The following GPHN variants were observed in gnomAD, a reference collection of about 807,000 sequenced individuals.
GPHN encodes the protein gephyrin.
GPHN carries 17 observed loss-of-function variants against 95.5 expected under a neutral mutation model. The ratio of observed to expected loss-of-function variants is 0.18; its 90% CI spans 0.12 to 0.27. GPHN has a LOEUF of 0.27. Among genes scored for constraint, GPHN ranks in the 10% least tolerant of loss-of-function variants. GPHN has a pLI of 1.00. For synonymous variants in GPHN, 320 were observed against 322.5 expected (o/e 0.99, Z 0.08); for missense variants, 660 against 978.1 (o/e 0.67, Z 4.34).
At chr14:67,611,631 A>G in the GPHN span, among the ~76,000 whole-genome samples, 1 of 152,178 alleles carries the variant, frequency 6.6e-6, no homozygotes, top group Non-Finnish European at 1.5e-5. Flanking sequence ...TCGGTTGCAA[A>G]GAAAAAACAA....
At chr14:66,927,326 G>A (rs1277803212) in intron 8 of GPHN, among the ~76,000 whole-genome samples, 2 of 147,412 alleles carry the variant, frequency 1.4e-5, no homozygotes, top group Non-Finnish European at 1.5e-5. Context: ...TTCAGCCTGC[G>A]TGATGGAGCA....
At chr14:66,995,788 C>A (rs754026841) in intron 9 of GPHN, among the ~76,000 whole-genome samples, 1 of 152,110 alleles carries the variant, frequency 6.6e-6, no homozygotes, top group Non-Finnish European at 1.5e-5. Flanking sequence ...ATACTGTGAA[C>A]GTGTATGGTA....
At chr14:66,556,570 A>AT (rs2060014048) in intron 1 of GPHN, among the ~76,000 whole-genome samples, 1 of 152,212 alleles carries the variant, frequency 6.6e-6, no homozygotes, top group Non-Finnish European at 1.5e-5. Context: ...TTAGGTACAC[A>AT]TTCTGATCTA....
At chr14:67,246,649 GT>G in the GPHN span, among the ~76,000 whole-genome samples, 239 of 112,212 alleles carry the variant, frequency 2.1e-3, no homozygotes, top group African/African-American at 6.3e-3. Context: ...CCTACTATAG[GT>G]TTTTTTTTTT....
chr14:67,110,319 AT>A (rs2078294281), intron 14 of GPHN, 60 bp downstream of exon 14: 1 of 1,587,064 alleles, frequency 6.3e-7, no homozygotes, highest in South Asian at 1.1e-5. Context: ...TGTCACAACC[AT>A]TTTCTGCAGT....
chr14:67,238,686 C>T, the GPHN span, among the ~76,000 whole-genome samples: 2 of 152,012 alleles, frequency 1.3e-5, no homozygotes, highest in Non-Finnish European at 2.9e-5. Flanking sequence ...CTCTATTGCC[C>T]AGGCTGGAGT....
the GPHN span, among the ~76,000 whole-genome samples, chr14:67,489,336 A>G: frequency 4.6e-5 from 7 of 152,202 alleles, no homozygotes; most frequent in African/African-American, 1.4e-4. Context: ...TTCCCACCCA[A>G]ATCTCATCCT....
chr14:67,232,438 C>T, the GPHN span, among the ~76,000 whole-genome samples: 1 of 152,194 alleles, frequency 6.6e-6, no homozygotes, highest in African/African-American at 2.4e-5. Context: ...CAGGTGACTG[C>T]AGTCCAGAGC....
Position 67,101,314 on chromosome 14 carries a change from T to G in GPHN, c.1293+403T>G. On this transcript the variant is annotated intron_variant, in intron 13 of 22. Transcript: ENST00000478722. ...TAAACTTTTTAGCTAATTATTTAAT[T>G]TAATTTTTCTCACTTGGGATCTAGC... is the stretch of plus-strand genomic sequence containing the variant. 2.0e-5 allele frequency among the ~76,000 whole-genome samples: 3 copies of G among 152,232 alleles called. No individual in the cohort carries two copies. The Middle Eastern group carries it at 0.01, about 518-fold the overall frequency.
At chr14:66,944,806 G>T (rs971546256) in intron 8 of GPHN, among the ~76,000 whole-genome samples, 21 of 152,232 alleles carry the variant, frequency 1.4e-4, no homozygotes, top group African/African-American at 4.8e-4. Context: ...TTTCCCTGGG[G>T]AGGGGAAGGC....
the GPHN span, chr14:67,393,159 T>C: frequency 1.9e-6 from 3 of 1,611,560 alleles, no homozygotes; most frequent in African/African-American, 1.3e-5. Context: ...CCGAGGAAGG[T>C]CTTTTTATAG....
intron 1 of GPHN, among the ~76,000 whole-genome samples, chr14:66,529,184 T>G (rs1370002639): frequency 6.6e-6 from 1 of 152,046 alleles, no homozygotes; most frequent in East Asian, 1.9e-4. Flanking sequence ...TTTTTTCTAA[T>G]CTTGTCTTCA....
chr14:66,634,106 ATTTTC>A (rs994817816), intron 1 of GPHN, among the ~76,000 whole-genome samples: 2 of 151,454 alleles, frequency 1.3e-5, no homozygotes, highest in Non-Finnish European at 2.9e-5. Flanking sequence ...CATTTGACAT[ATTTTC>A]TTTTCTTTGG....
At chr14:67,535,741 G>A in the GPHN span, among the ~76,000 whole-genome samples, 1 of 152,094 alleles carries the variant, frequency 6.6e-6, no homozygotes, top group Non-Finnish European at 1.5e-5. Flanking sequence ...GTTTGCCTTT[G>A]TTTGCTGATT....
chr14:66,934,843 T>G (rs2067022154), intron 8 of GPHN, among the ~76,000 whole-genome samples: 1 of 152,206 alleles, frequency 6.6e-6, no homozygotes, highest in South Asian at 2.1e-4. Flanking sequence ...AATAAGCTAA[T>G]AGAGATAACT....
chr14:66,962,874 A>G (rs2069050835), intron 8 of GPHN, among the ~76,000 whole-genome samples: 1 of 151,956 alleles, frequency 6.6e-6, no homozygotes, highest in South Asian at 2.1e-4. Context: ...CTTCCAAACC[A>G]GAATGCTTTT....
At chr14:67,476,422 A>G in the GPHN span, among the ~76,000 whole-genome samples, 66 of 152,174 alleles carry the variant, frequency 4.3e-4, 1 homozygote, top group African/African-American at 1.5e-3. Flanking sequence ...CCCTGTCTCT[A>G]CTAAAAATAC....
chr14:67,722,049 A>G, the GPHN span, among the ~76,000 whole-genome samples: 2 of 152,182 alleles, frequency 1.3e-5, no homozygotes, highest in Non-Finnish European at 2.9e-5. Context: ...CCCATGTACT[A>G]GCACCCAGAT....
chr14:67,513,174 A>G, the GPHN span, among the ~76,000 whole-genome samples: 1 of 152,220 alleles, frequency 6.6e-6, no homozygotes, highest in East Asian at 1.9e-4. Flanking sequence ...GCCACGGAAA[A>G]GCCCATCCTC....
Sources: gnomAD v4.1 joint callset for allele counts (sites outside exome capture counted in the v4.1 genomes callset) on GRCh38, gnomAD v4.1.1 for gene constraint, MANE v1.5 for transcripts, NCBI Gene and HGNC (gene_info 2026-07-23, HGNC 2026-07-21) for gene names.